Variants in XKR4 observed in about 807,000 individuals in gnomAD.
The protein encoded by XKR4 is XK related 4, also known as XK-related protein 4.
A neutral mutation model predicts 53.9 loss-of-function variants in XKR4; 12 were observed. That is an observed-to-expected ratio of 0.22 (90% CI 0.14 to 0.36). The LOEUF is 0.36. Among genes scored for constraint, XKR4 ranks in the 10% least tolerant of loss-of-function variants. XKR4 has a pLI of 1.00. For missense variants in XKR4, 799 were observed against 859.5 expected, an observed-to-expected ratio of 0.93 and a Z score of 0.88; for synonymous variants, 354 against 362.4, an observed-to-expected ratio of 0.98 and a Z score of 0.26.
chr8:55,283,401 G>A (rs2129374202), intron 1 of XKR4, among the ~76,000 whole-genome samples: 2 of 152,310 alleles, frequency 1.3e-5, no homozygotes, highest in East Asian at 3.9e-4. Context: ...AGACTTCTCT[G>A]AAACTCAGGA....
chr8:55,430,040 C>A (rs902444140), intron 2 of XKR4, among the ~76,000 whole-genome samples: 10 of 152,184 alleles, frequency 6.6e-5, no homozygotes, highest in African/African-American at 2.4e-4. Flanking sequence ...TGAAAAGATG[C>A]TCCAAAATCA....
At chr8:55,349,379 A>C (rs1329298628) in intron 1 of XKR4, among the ~76,000 whole-genome samples, 1 of 152,182 alleles carries the variant, frequency 6.6e-6, no homozygotes. Context: ...GACAGATGTA[A>C]TGTATGATCA....
intron 1 of XKR4, among the ~76,000 whole-genome samples, chr8:55,196,490 C>G (rs192358664): frequency 3.3e-4 from 51 of 152,268 alleles, no homozygotes; most frequent in African/African-American, 1.2e-3. Flanking sequence ...GCCTGTTGTA[C>G]TTTCACTAAG....
At chr8:55,227,743 C>T (rs1563487877) in intron 1 of XKR4, among the ~76,000 whole-genome samples, 1 of 152,182 alleles carries the variant, frequency 6.6e-6, no homozygotes, top group Non-Finnish European at 1.5e-5. Flanking sequence ...GCTGAGAGCA[C>T]AGATCCGCCA....
chr8:55,451,592 A>T, intron 2 of XKR4: 1 of 1,347,788 alleles, frequency 7.4e-7, no homozygotes, highest in Non-Finnish European at 1.0e-6. Flanking sequence ...CGGATGCGCC[A>T]GCAGACAACG....
At chr8:55,253,735 T>C (rs899150624) in intron 1 of XKR4, among the ~76,000 whole-genome samples, 14 of 129,882 alleles carry the variant, frequency 1.1e-4, no homozygotes, top group African/African-American at 3.0e-4. Flanking sequence ...TCTTTTCTTT[T>C]TTTTTTTTTT....
chr8:55,410,777 T>G (rs1268180488), intron 2 of XKR4, among the ~76,000 whole-genome samples: 1 of 152,160 alleles, frequency 6.6e-6, no homozygotes, highest in Non-Finnish European at 1.5e-5. Context: ...TCTCTAAAAT[T>G]TAAAAGTAGT....
At chr8:55,424,923 A>C (rs1804991425) in intron 2 of XKR4, among the ~76,000 whole-genome samples, 1 of 152,190 alleles carries the variant, frequency 6.6e-6, no homozygotes, top group African/African-American at 2.4e-5. Flanking sequence ...TTTTACATTT[A>C]ATTAGCTGCC....
intron 2 of XKR4, among the ~76,000 whole-genome samples, chr8:55,465,963 T>A (rs1393052599): frequency 2.0e-5 from 3 of 151,924 alleles, no homozygotes; most frequent in East Asian, 1.9e-4. Context: ...GTTAGAATGG[T>A]GATCATTAAA....
Position 55,450,213 on chromosome 8 carries a change from C to A in XKR4, c.1007-73068C>A, listed in dbSNP as rs1585579349. On this transcript the variant is annotated intron_variant, in intron 2 of 2. Transcript: ENST00000327381. ...GGTAGCAGGGCCACACCACACAGCA[C>A]CTGCTCTGGGGAGCGCCTCCGTCAA... 5 of 647,526 alleles carry A rather than the reference C, an allele frequency of 7.7e-6. No individual in the cohort carries two copies. In the East Asian group the frequency reaches 9.3e-5, roughly 12 times the overall value. 40.1% of individuals were successfully genotyped at this position (647,526 alleles called of 1,614,324 possible). A position where few individuals can be genotyped will look rare whatever the true frequency, so the allele number is the denominator to read the frequency against.
rs556732951 is a variant in XKR4, at chr8:55,469,113, C to A, written c.1007-54168C>A. On this transcript the variant is annotated intron_variant, in intron 2 of 2. Coordinates refer to ENST00000327381, the MANE Select transcript of XKR4 (RefSeq NM_052898.2). ...CTAAGGACAGAATATTTCTCAACTG[C>A]AACATCTGTCTCCCTGCCTTTTTCC... Among the ~76,000 whole-genome samples, 76 of 152,236 alleles carry A rather than the reference C, an allele frequency of 5.0e-4. 2 individuals carry two copies. The South Asian group carries it at 0.014, about 28-fold the overall frequency.
At chr8:55,370,565 C>T (rs1772063156) in intron 2 of XKR4, among the ~76,000 whole-genome samples, 1 of 152,150 alleles carries the variant, frequency 6.6e-6, no homozygotes, top group African/African-American at 2.4e-5. Flanking sequence ...CAAAACACTT[C>T]CCAAAAGTCT....
At chr8:55,422,355 A>G (rs1804947899) in intron 2 of XKR4, among the ~76,000 whole-genome samples, 1 of 152,254 alleles carries the variant, frequency 6.6e-6, no homozygotes, top group African/African-American at 2.4e-5. Flanking sequence ...CAGTAGACAT[A>G]TAGTGTTGTG....
At chr8:55,405,963 C>T (rs1804676007) in intron 2 of XKR4, among the ~76,000 whole-genome samples, 2 of 152,224 alleles carry the variant, frequency 1.3e-5, no homozygotes, top group Non-Finnish European at 2.9e-5. Flanking sequence ...AGTGAGCAGC[C>T]TCAATGTTAT....
intron 1 of XKR4, among the ~76,000 whole-genome samples, chr8:55,176,397 GTGCTCCAC>G (rs1276373355): frequency 6.6e-6 from 1 of 152,226 alleles, no homozygotes; most frequent in African/African-American, 2.4e-5. Context: ...GAAAGGTAGA[GTGCTCCAC>G]TCCATTGTGC....
chr8:55,284,043 C>T (rs1818874234), intron 1 of XKR4, among the ~76,000 whole-genome samples: 1 of 152,164 alleles, frequency 6.6e-6, no homozygotes, highest in African/African-American at 2.4e-5. Flanking sequence ...TGCAACATGC[C>T]TTCTCTTCTC....
At chr8:55,354,830 A>C (rs1009202967) in intron 1 of XKR4, among the ~76,000 whole-genome samples, 2 of 152,118 alleles carry the variant, frequency 1.3e-5, no homozygotes, top group Admixed American at 6.5e-5. Context: ...GAATTAGAAA[A>C]ATTCATAAAA....
At chr8:55,105,082 T>C (rs948911857) in intron 1 of XKR4, among the ~76,000 whole-genome samples, 14 of 152,216 alleles carry the variant, frequency 9.2e-5, no homozygotes, top group African/African-American at 3.4e-4. Context: ...TCCTGTTAAC[T>C]GAAAAACTGT....
At chr8:55,186,485 C>A (rs1342334305) in intron 1 of XKR4, among the ~76,000 whole-genome samples, 1 of 151,804 alleles carries the variant, frequency 6.6e-6, no homozygotes, top group Non-Finnish European at 1.5e-5. Context: ...GAAACCCCGT[C>A]TCTACTAAAA....
Sources: allele counts gnomAD v4.1 joint callset (sites outside exome capture counted in the v4.1 genomes callset), GRCh38; gene constraint gnomAD v4.1.1; transcripts MANE v1.5; gene names NCBI Gene and HGNC (gene_info 2026-07-23, HGNC 2026-07-21).